Variants in PLEKHA7 observed in about 807,000 individuals in gnomAD.
PLEKHA7 encodes pleckstrin homology domain-containing family A member 7.
Under a neutral mutation model 170.0 loss-of-function variants are expected in PLEKHA7, and 104 were observed. The observed-to-expected ratio is 0.61, with a 90% CI of 0.52 to 0.72. PLEKHA7 has a LOEUF of 0.72. PLEKHA7 is among the 30% of genes least tolerant of loss of function. PLEKHA7 has a pLI of 0.00. For missense variants in PLEKHA7, 1,615 were observed against 1,671.7 expected, an observed-to-expected ratio of 0.97 and a Z score of 0.59; for synonymous variants, 648 against 660.8, an observed-to-expected ratio of 0.98 and a Z score of 0.30.
intron 3 of PLEKHA7, among the ~76,000 whole-genome samples, chr11:16,952,067 A>C (rs1423929465): frequency 1.3e-5 from 2 of 152,208 alleles, no homozygotes; most frequent in African/African-American, 2.4e-5. Flanking sequence ...CCTGACCCAA[A>C]ATGGATACAC....
intron 17 of PLEKHA7, 127 bp downstream of exon 17, chr11:16,800,847 T>C: frequency 3.9e-6 from 3 of 770,172 alleles, no homozygotes; most frequent in Non-Finnish European, 6.5e-6. Flanking sequence ...GGGTGGAGCA[T>C]CTGGGGCTGA....
chr11:16,813,203 A>G lies in PLEKHA7; in HGVS notation c.1954-37T>C, dbSNP rs529062072. On this transcript the variant is annotated intron_variant, in intron 12 of 26. Transcript: ENST00000531066. Reference sequence around the variant, plus strand: ...GCAGAGAGGAAAAAACACAGTTATGAACACCAAGAGTTTCCATAACTCGAG... The same window carrying G: ...GCAGAGAGGAAAAAACACAGTTATGGACACCAAGAGTTTCCATAACTCGAG... 15 of 1,572,372 alleles carry G rather than the reference A, an allele frequency of 9.5e-6. No homozygotes were observed. In the East Asian group the frequency reaches 2.9e-4, roughly 31 times the overall value.
rs773265141 is a variant in PLEKHA7, at chr11:16,826,455, C to G, written c.1008G>C (p.Glu336Asp). The G allele has an allele frequency of 6.2e-7, 1 of 1,614,244 alleles. No individual in the cohort carries two copies. Among genetic ancestry groups the G allele is most frequent in the South Asian group, 1.1e-5 (1 of 91,086 alleles). Residue 336 changes from glutamate (E) to aspartate (D), a missense_variant, in exon 10 of 27, where the codon GAG (glutamate) becomes GAC (aspartate). Coordinates refer to ENST00000531066, the MANE Select transcript of PLEKHA7 (RefSeq NM_001329630.2). ...ACTGCTCTCCCTCCTGCTCCTGCCT[C>G]TCGAAGTTGACAATGTCATCATGGC... is the stretch of plus-strand genomic sequence containing the variant. ...HRGHDDIVNF[E>D]RQEQEGEQYR...
At chr11:16,795,494 A>C (rs1324736866) in intron 17 of PLEKHA7, among the ~76,000 whole-genome samples, 1 of 152,204 alleles carries the variant, frequency 6.6e-6, no homozygotes, top group African/African-American at 2.4e-5. Flanking sequence ...CTGTATACTT[A>C]AAAATAATCA....
chr11:16,854,503 G>T (rs201694410), intron 6 of PLEKHA7, among the ~76,000 whole-genome samples: 64 of 152,270 alleles, frequency 4.2e-4, no homozygotes, highest in East Asian at 1.5e-3. Flanking sequence ...GCTAGACAAG[G>T]GGGAGAGGAA....
Position 16,994,499 on chromosome 11 carries a change from C to A in PLEKHA7, c.221+19490G>T, listed in dbSNP as rs1864225501. Reference sequence around the variant, plus strand: ...TGGTGCCAACCTATGTCCAGCCCCACCCCTGCGGACATAGGTGGGGGCTGG... The same window carrying A: ...TGGTGCCAACCTATGTCCAGCCCCAACCCTGCGGACATAGGTGGGGGCTGG... On this transcript the variant is annotated intron_variant, in intron 3 of 26. Coordinates refer to ENST00000531066, the MANE Select transcript of PLEKHA7 (RefSeq NM_001329630.2). 2.0e-5 allele frequency among the ~76,000 whole-genome samples: 3 copies of A among 152,262 alleles called. No individual in the cohort carries two copies. In the South Asian group the frequency reaches 6.2e-4, roughly 32 times the overall value.
chr11:17,014,159 C>G lies in PLEKHA7; in HGVS notation c.129G>C (p.Gly43=). ...RCTTWLHPRT[G]EPVNSGHMIR... Reference sequence around the variant, plus strand: ...TCATGTGGCCCGAGTTGACGGGCTCCCCGGTGCGCGGATGCAGCCAGGTCG... The same window carrying G: ...TCATGTGGCCCGAGTTGACGGGCTCGCCGGTGCGCGGATGCAGCCAGGTCG... Residue 43 remains glycine, a synonymous_variant, in exon 2 of 27, where the codon GGG becomes GGC. Coordinates refer to ENST00000531066, the MANE Select transcript of PLEKHA7 (RefSeq NM_001329630.2). 6.2e-7 allele frequency: 1 copy of G among 1,602,144 alleles called. No individual in the cohort carries two copies. Among genetic ancestry groups the G allele is most frequent in the Non-Finnish European group, 8.5e-7 (1 of 1,175,674 alleles).
At chr11:16,906,922 C>T (rs10218606) in intron 3 of PLEKHA7, among the ~76,000 whole-genome samples, 2 of 146,584 alleles carry the variant, frequency 1.4e-5, no homozygotes, top group Non-Finnish European at 3.0e-5. Context: ...ATGTGGGGAG[C>T]GCCTCTGCCC....
chr11:16,801,873 C>G, intron 15 of PLEKHA7, 56 bp from the exon 16 acceptor site: 1 of 1,601,290 alleles, frequency 6.2e-7, no homozygotes, highest in Non-Finnish European at 8.5e-7. Context: ...CCAGAGGCCT[C>G]CCCATACCAC....
chr11:17,014,188 A>G lies in PLEKHA7; in HGVS notation c.100T>C (p.Cys34Arg). Residue 34 changes from cysteine (C) to arginine (R), a missense_variant, in exon 2 of 27, where the codon TGC becomes CGC. Coordinates refer to ENST00000531066, the MANE Select transcript of PLEKHA7 (RefSeq NM_001329630.2). The stretch of plus-strand genomic sequence containing the variant: ...GTGCGCGGATGCAGCCAGGTCGTGC[A>G]GCGGAGCTGGTCACTGCGGGCAGAG... ...RVFFINDQLRCTTWLHPRTGE... is the reference protein window; with the variant it reads ...RVFFINDQLRRTTWLHPRTGE... 2 of 1,595,256 alleles carry G rather than the reference A, an allele frequency of 1.3e-6. No homozygotes were observed. The highest frequency in any genetic ancestry group is 1.7e-5 in the Admixed American group (1 of 58,788).
chr11:16,791,490 T>C lies in PLEKHA7; in HGVS notation c.2746-291A>G. The C allele has an allele frequency of 1.7e-6, 1 of 590,610 alleles. No individual in the cohort carries two copies. The highest frequency in any genetic ancestry group is 1.5e-5 in the South Asian group (1 of 64,544). 36.6% of individuals were successfully genotyped at this position (590,610 alleles called of 1,614,324 possible). A position where few individuals can be genotyped will look rare whatever the true frequency, so the allele number is the denominator to read the frequency against. ...AGGTCTCCTGGGTCCATGCCCTCGGTGCTGTGCTGAACTGCTCCCTCCGCT... is the reference window on the plus strand; with the variant it reads ...AGGTCTCCTGGGTCCATGCCCTCGGCGCTGTGCTGAACTGCTCCCTCCGCT... On this transcript the variant is annotated intron_variant, in intron 19 of 26. Transcript: ENST00000531066. The surrounding 1 kb of genome is among the most constrained non-coding windows in gnomAD (Gnocchi z 4.5).
chr11:16,870,580 A>C (rs1854750587), intron 4 of PLEKHA7, among the ~76,000 whole-genome samples: 1 of 151,316 alleles, frequency 6.6e-6, no homozygotes, highest in Admixed American at 6.6e-5. Context: ...CAGTGAGCCA[A>C]GATTGTGCCA....
At chr11:16,879,722 C>A (rs1425691028) in intron 3 of PLEKHA7, among the ~76,000 whole-genome samples, 1 of 152,218 alleles carries the variant, frequency 6.6e-6, no homozygotes, top group African/African-American at 2.4e-5. Flanking sequence ...AAACTTAAAG[C>A]CCTCACAACT....
Position 16,854,929 on chromosome 11 carries a change from G to C in PLEKHA7, c.482C>G (p.Pro161Arg). 6.2e-7 allele frequency: 1 copy of C among 1,614,018 alleles called. No individual in the cohort carries two copies. ...GKRDQAIRRN[P>R]NVPVVVRGWL... The stretch of plus-strand genomic sequence containing the variant: ...GCCCCTCACCACCACGGGAACATTG[G>C]GGTTCCTCCGAATGGCCTGGTCTCT... The change falls in exon 6 of 27, where the codon CCC becomes CGC. Residue 161 changes from proline (P) to arginine (R), a missense_variant. Transcript: ENST00000531066.
At chr11:16,993,390 A>T (rs1201375607) in intron 3 of PLEKHA7, among the ~76,000 whole-genome samples, 1 of 152,138 alleles carries the variant, frequency 6.6e-6, no homozygotes, top group East Asian at 1.9e-4. Context: ...TGGCAGTTTT[A>T]AACATGTCCT....
Position 16,817,316 on chromosome 11 carries a change from G to A in PLEKHA7, c.1350C>T (p.Pro450=). 1.2e-6 allele frequency: 2 copies of A among 1,607,090 alleles called. No individual in the cohort carries two copies. The highest frequency in any genetic ancestry group is 1.7e-6 in the Non-Finnish European group (2 of 1,178,712). Residue 450 remains proline (P), a synonymous_variant, in exon 11 of 27, where the codon CCC becomes CCT. Transcript: ENST00000531066. The surrounding 1 kb of genome is among the most constrained non-coding windows in gnomAD (Gnocchi z 4.4). The part of the protein sequence containing the change: ...RAQKGDSRSL[P]LDQTLPRQGP... ...CCTGGCGAGGAAGCGTCTGGTCCAA[G>A]GGAAGACTGAGGAGAAAGGGTAAGA...
chr11:16,815,331 C>G (rs1314175215), intron 12 of PLEKHA7: 1 of 152,704 alleles, frequency 6.5e-6, no homozygotes, highest in Non-Finnish European at 1.5e-5. Context: ...GAAGTTAGCA[C>G]CGCAGGAGCA....
At chr11:16,892,619 C>CTTTTTTTTTTTTTTTTTTTTT (rs10674972) in intron 3 of PLEKHA7, among the ~76,000 whole-genome samples, 1 of 82,414 alleles carries the variant, frequency 1.2e-5, no homozygotes, top group Non-Finnish European at 2.2e-5. Flanking sequence ...CTTCCAGCTT[C>CTTTTTTTTTTTTTTTTTTTTT]TTTTTTTTTT....
At chr11:16,784,702 A>G (rs1849282185) in intron 24 of PLEKHA7, among the ~76,000 whole-genome samples, 2 of 152,216 alleles carry the variant, frequency 1.3e-5, no homozygotes, top group African/African-American at 4.8e-5. Flanking sequence ...TCCTAAAAAC[A>G]AGCTTAATCC....
Sources: allele counts gnomAD v4.1 joint callset (sites outside exome capture counted in the v4.1 genomes callset), GRCh38; gene constraint gnomAD v4.1.1; non-coding constraint Gnocchi (gnomAD v3.1); transcripts MANE v1.5; gene names NCBI Gene and HGNC (gene_info 2026-07-23, HGNC 2026-07-21).